Variants in AIG1 observed in about 807,000 individuals in gnomAD.
AIG1 encodes androgen induced 1.
Under a neutral mutation model 31.4 loss-of-function variants are expected in AIG1, and 23 were observed. The ratio of observed to expected loss-of-function variants is 0.73; its 90% CI spans 0.53 to 1.04. AIG1 has a LOEUF of 1.04. Ranked by LOEUF, AIG1 falls within the 50% of genes least tolerant of loss-of-function variation. AIG1 has a pLI of 0.00. For missense variants in AIG1, 274 were observed against 295.0 expected, an observed-to-expected ratio of 0.93 and a Z score of 0.52; for synonymous variants, 100 against 110.5, an observed-to-expected ratio of 0.90 and a Z score of 0.60.
intron 3 of AIG1, among the ~76,000 whole-genome samples, chr6:143,216,578 A>C (rs978729294): frequency 1.3e-5 from 2 of 152,200 alleles, no homozygotes; most frequent in Non-Finnish European, 2.9e-5. Context: ...TTCAGCAGAG[A>C]CTTTACTTGT....
Position 143,209,325 on chromosome 6 carries a change from G to A in AIG1, c.399+44142G>A, listed in dbSNP as rs910170893. 2.6e-5 allele frequency among the ~76,000 whole-genome samples: 4 copies of A among 152,286 alleles called. No individual in the cohort carries two copies. In the South Asian group the frequency reaches 6.2e-4, roughly 24 times the overall value. Reference sequence around the variant, plus strand: ...GTCCCCCAAAGGAGTCCTAATCCCCGGAACTTGTGAATACGTTATGTTACA... The same window carrying A: ...GTCCCCCAAAGGAGTCCTAATCCCCAGAACTTGTGAATACGTTATGTTACA... On this transcript the variant is annotated intron_variant, in intron 3 of 5. Transcript: ENST00000357847.
chr6:143,218,808 T>C (rs554547171), intron 3 of AIG1, among the ~76,000 whole-genome samples: 21 of 152,348 alleles, frequency 1.4e-4, no homozygotes, highest in African/African-American at 4.6e-4. Context: ...TCTGCTACTT[T>C]CTGACCCCTG....
chr6:143,195,748 G>T (rs1383733262), intron 3 of AIG1, among the ~76,000 whole-genome samples: 2 of 150,992 alleles, frequency 1.3e-5, no homozygotes, highest in Non-Finnish European at 3.0e-5. Context: ...AGGAGGCAGG[G>T]CTGGCAACGT....
rs1223358122 is a variant in AIG1 at position 143,327,752 on chromosome 6, C to G, written c.516-5530C>G. ...AATGTGATGAAAGAGAGGGAAGTAT[C>G]AAAGATGACTTGCAATGTTTGAGTT... On this transcript the variant is annotated intron_variant, in intron 4 of 5. Coordinates refer to ENST00000357847, the MANE Select transcript of AIG1 (RefSeq NM_016108.4). This position sits in a 1 kb window ranked among gnomAD's most constrained non-coding sequence, Gnocchi z 5.3. 2 of 161,700 alleles carry G rather than the reference C, an allele frequency of 1.2e-5. No individual in the cohort carries two copies. Among genetic ancestry groups the G allele is most frequent in the Non-Finnish European group, 1.3e-5 (1 of 75,838 alleles). 10.0% of individuals were successfully genotyped at this position (161,700 alleles called of 1,614,324 possible).
chr6:143,074,393 C>T (rs999803671), intron 1 of AIG1, among the ~76,000 whole-genome samples: 6 of 152,082 alleles, frequency 3.9e-5, no homozygotes, highest in African/African-American at 7.2e-5. Context: ...ACATTGATGT[C>T]GATTATGCAT....
intron 2 of AIG1, among the ~76,000 whole-genome samples, chr6:143,164,723 T>A (rs1425882516): frequency 6.6e-6 from 1 of 152,172 alleles, no homozygotes; most frequent in Non-Finnish European, 1.5e-5. Context: ...AGATAGTGGG[T>A]AATGGGATCC....
intron 2 of AIG1, among the ~76,000 whole-genome samples, chr6:143,156,669 G>A (rs1415226552): frequency 2.0e-5 from 3 of 152,214 alleles, no homozygotes; most frequent in Non-Finnish European, 4.4e-5. Context: ...GGCAGCCCTT[G>A]GGAGGTTCCC....
intron 3 of AIG1, among the ~76,000 whole-genome samples, chr6:143,278,519 A>C (rs527337319): frequency 1.4e-5 from 2 of 142,710 alleles, no homozygotes; most frequent in African/African-American, 5.3e-5. Flanking sequence ...CCCAGGCTGC[A>C]GTGCGGTGGC....
chr6:143,297,860 C>CT lies in AIG1; in HGVS notation c.515+13639dup, dbSNP rs1272441757. 6.6e-6 allele frequency among the ~76,000 whole-genome samples: 1 copy of CT among 151,748 alleles called. No homozygotes were observed. Among genetic ancestry groups the CT allele is most frequent in the Non-Finnish European group, 1.5e-5 (1 of 67,964 alleles). Reference sequence around the variant, plus strand: ...GTATTTTTTTTTCTTTCTGGTAGCACTTTTATTCTTCCTTGCACAATGACG... The same window carrying CT: ...GTATTTTTTTTTCTTTCTGGTAGCACTTTTTATTCTTCCTTGCACAATGACG... On this transcript the variant is annotated intron_variant, in intron 4 of 5. Transcript: ENST00000357847. The surrounding 1 kb of genome is among the most constrained non-coding windows in gnomAD (Gnocchi z 5.1).
At chr6:143,319,175 T>C (rs1776002499) in intron 4 of AIG1, among the ~76,000 whole-genome samples, 1 of 152,090 alleles carries the variant, frequency 6.6e-6, no homozygotes, top group Non-Finnish European at 1.5e-5. Context: ...CACTTGCACA[T>C]ACATGTTCAT....
At chr6:143,305,414 G>A (rs1285546065) in intron 4 of AIG1, among the ~76,000 whole-genome samples, 2 of 152,028 alleles carry the variant, frequency 1.3e-5, no homozygotes, top group Non-Finnish European at 1.5e-5. Flanking sequence ...CAGAGATTCT[G>A]GTATGTTGTG....
Position 143,297,353 on chromosome 6 carries a change from T to C in AIG1, c.515+13128T>C, listed in dbSNP as rs184325612. On this transcript the variant is annotated intron_variant, in intron 4 of 5. Coordinates refer to ENST00000357847, the MANE Select transcript of AIG1 (RefSeq NM_016108.4). The surrounding 1 kb of genome is among the most constrained non-coding windows in gnomAD (Gnocchi z 5.1). Reference sequence around the variant, plus strand: ...GCCCTCCTCCTGTCACTGCAATATATATTCCACCTCAACTCTCCCCACCAA... The same window carrying C: ...GCCCTCCTCCTGTCACTGCAATATACATTCCACCTCAACTCTCCCCACCAA... Among the ~76,000 whole-genome samples the C allele has an allele frequency of 2.3e-4, 35 of 152,320 alleles. No homozygotes were observed. Among genetic ancestry groups the C allele is most frequent in the Middle Eastern group, 3.4e-3 (1 of 294 alleles).
At chr6:143,158,124 G>A (rs1384829595) in intron 2 of AIG1, among the ~76,000 whole-genome samples, 1 of 152,088 alleles carries the variant, frequency 6.6e-6, no homozygotes, top group Non-Finnish European at 1.5e-5. Context: ...TCTTTTGGAT[G>A]GTGACATAAA....
At chr6:143,266,363 A>T (rs200478931) in intron 3 of AIG1, among the ~76,000 whole-genome samples, 4,802 of 150,646 alleles carry the variant, frequency 0.032, 108 homozygotes, top group Middle Eastern at 0.045. Flanking sequence ...AAAAAAAAAA[A>T]AAGAATAATA....
chr6:143,139,681 C>T (rs1784090038), intron 2 of AIG1, among the ~76,000 whole-genome samples: 1 of 151,652 alleles, frequency 6.6e-6, no homozygotes, highest in African/African-American at 2.4e-5. Flanking sequence ...CTCTCTTTTC[C>T]CCCCTCCTTT....
intron 1 of AIG1, among the ~76,000 whole-genome samples, chr6:143,079,037 G>A (rs1310742388): frequency 6.6e-6 from 1 of 152,106 alleles, no homozygotes; most frequent in African/African-American, 2.4e-5. Context: ...ATGATGTCAT[G>A]CGGTTCACAC....
chr6:143,074,380 C>T (rs1777553983), intron 1 of AIG1, among the ~76,000 whole-genome samples: 1 of 152,132 alleles, frequency 6.6e-6, no homozygotes, highest in Non-Finnish European at 1.5e-5. Context: ...AGTTTCTGGC[C>T]TTACATTGAT....
At position 143,089,318 on chromosome 6, in the gene AIG1, TA is replaced by T. The variant is rs200634657; in HGVS notation, c.141+28253del. 2.8e-3 allele frequency among the ~76,000 whole-genome samples: 424 copies of T among 152,286 alleles called. 9 individuals carry two copies. In the East Asian group the frequency reaches 0.05, roughly 18 times the overall value. On this transcript the variant is annotated intron_variant, in intron 1 of 5. Coordinates refer to ENST00000357847, the MANE Select transcript of AIG1 (RefSeq NM_016108.4). ...AATACCTATGATATGAGGAATATAT[TA>T]GACTTTATAATATAAGGGATAAGCA...
chr6:143,134,383 C>A (rs896772624), intron 1 of AIG1, among the ~76,000 whole-genome samples: 1 of 119,456 alleles, frequency 8.4e-6, no homozygotes. Flanking sequence ...TGTCAGAATT[C>A]TTTCCTGGTT....
Sources: allele counts gnomAD v4.1 joint callset (sites outside exome capture counted in the v4.1 genomes callset), GRCh38; gene constraint gnomAD v4.1.1; non-coding constraint Gnocchi (gnomAD v3.1); transcripts MANE v1.5; gene names NCBI Gene and HGNC (gene_info 2026-07-23, HGNC 2026-07-21).